SNX30: variants seen among roughly 807,000 people sequenced by gnomAD.
The protein encoded by SNX30 is sorting nexin family member 30, also known as sorting nexin-30.
SNX30 carries 24 observed loss-of-function variants against 46.4 expected under a neutral mutation model. That is an observed-to-expected ratio of 0.52 (90% CI 0.37 to 0.73). The LOEUF is 0.73. Ranked by LOEUF, SNX30 falls within the 30% of genes least tolerant of loss-of-function variation. SNX30 has a pLI of 0.00. For missense variants in SNX30, 533 were observed against 555.7 expected (o/e 0.96, Z 0.41); for synonymous variants, 189 against 211.5 (o/e 0.89, Z 0.92).
chr9:112,773,399 T>A (rs973496801), intron 1 of SNX30, among the ~76,000 whole-genome samples: 1 of 152,168 alleles, frequency 6.6e-6, no homozygotes, highest in Admixed American at 6.5e-5. Context: ...ATTTGCTTTT[T>A]TTTTTTAAGA....
At chr9:112,838,825 C>G (rs1036748582) in intron 6 of SNX30, 128 bp downstream of exon 6, 3 of 761,166 alleles carry the variant, frequency 3.9e-6, no homozygotes, top group Non-Finnish European at 6.4e-6. Context: ...GGATCAGACA[C>G]GTGGACTGAC....
chr9:112,804,977 T>G lies in SNX30; in HGVS notation c.348+10T>G, dbSNP rs1202578102. 1.3e-6 allele frequency: 2 copies of G among 1,577,092 alleles called. No homozygotes were observed. The highest frequency in any genetic ancestry group is 1.8e-5 in the Admixed American group (1 of 57,102). On this transcript the variant is annotated intron_variant, in intron 2 of 8. Transcript: ENST00000374232. Reference sequence around the variant, plus strand: ...TAGGATCACCACCAAAGTAGGTCCCTGTGTTATAGAATGCCCGTGTTGAGT... The same window carrying G: ...TAGGATCACCACCAAAGTAGGTCCCGGTGTTATAGAATGCCCGTGTTGAGT...
chr9:112,825,382 A>G (rs1840565420), intron 3 of SNX30, among the ~76,000 whole-genome samples: 1 of 152,026 alleles, frequency 6.6e-6, no homozygotes, highest in Non-Finnish European at 1.5e-5. Context: ...GCAGCCTCCA[A>G]CTCCTGGGTT....
chr9:112,793,350 A>G (rs73550324), intron 1 of SNX30, among the ~76,000 whole-genome samples: 2 of 152,086 alleles, frequency 1.3e-5, no homozygotes, highest in African/African-American at 2.4e-5. Flanking sequence ...TCATGTTCCT[A>G]TGAGCTGCTG....
At position 112,865,649 on chromosome 9, in the gene SNX30, A is replaced by ATGTGTGTG. The variant is rs1377711834; in HGVS notation, c.1254+1251_1254+1252insGTGTGTGT. Among the ~76,000 whole-genome samples, 10 of 86,054 alleles carry ATGTGTGTG rather than the reference A, an allele frequency of 1.2e-4. 1 individual carries two copies. The allele number at this position is 86,054 out of a possible 152,430, so 56.5% of individuals were successfully genotyped here. A position where few individuals can be genotyped will look rare whatever the true frequency, so the allele number is the denominator to read the frequency against. On this transcript the variant is annotated intron_variant, in intron 8 of 8. Transcript: ENST00000374232. ...CATATATATATATATATATATATAT[A>ATGTGTGTG]TATATATATATATGTATGTATGTAT...
intron 7 of SNX30, among the ~76,000 whole-genome samples, chr9:112,861,972 G>C (rs1460248559): frequency 2.0e-5 from 3 of 152,312 alleles, no homozygotes; most frequent in South Asian, 2.1e-4. Context: ...GCATGTTCCT[G>C]TTTCTTCCCA....
rs999795304 is a variant in SNX30, at chr9:112,750,782, C to T, written c.-220C>T. The T allele has an allele frequency of 1.7e-5, 3 of 172,220 alleles. No individual in the cohort carries two copies. The highest frequency in any genetic ancestry group is 2.4e-5 in the African/African-American group (1 of 41,308). 10.7% of individuals were successfully genotyped at this position (172,220 alleles called of 1,614,324 possible). A position where few individuals can be genotyped will look rare whatever the true frequency, so the allele number is the denominator to read the frequency against. On this transcript the variant is annotated 5_prime_UTR_variant, in exon 1 of 9. Coordinates refer to ENST00000374232, the MANE Select transcript of SNX30 (RefSeq NM_001012994.2). Reference sequence around the variant, plus strand: ...GCCGCGGCCGTGCTGCCAGCGGACCCGCGGCGGGCTCGGGCGCGGAGCGGG... The same window carrying T: ...GCCGCGGCCGTGCTGCCAGCGGACCTGCGGCGGGCTCGGGCGCGGAGCGGG...
In SNX30 at chr9:112,864,387, G is replaced by A. The variant is rs751414141; in HGVS notation, c.1242G>A (p.Gln414=). Residue 414 remains glutamine (Q), a synonymous_variant, in exon 8 of 9, where the codon CAG becomes CAA. Transcript: ENST00000374232. The stretch of plus-strand genomic sequence containing the variant: ...TGGGGATGGCTGACAAGAACATCCA[G>A]TATTATGAGAAGGTAATGAGTGTGC... ...LLMGMADKNI[Q]YYEKCLMAWE... 1 of 1,614,088 alleles carries A rather than the reference G, an allele frequency of 6.2e-7. No individual in the cohort carries two copies. Among genetic ancestry groups the A allele is most frequent in the Non-Finnish European group, 8.5e-7 (1 of 1,180,038 alleles).
In SNX30 at chr9:112,826,648, T is replaced by C. The variant is rs560622728; in HGVS notation, c.460-4077T>C. 2.6e-5 allele frequency among the ~76,000 whole-genome samples: 4 copies of C among 151,774 alleles called. No individual in the cohort carries two copies. The East Asian group carries it at 7.7e-4, about 29-fold the overall frequency. On this transcript the variant is annotated intron_variant, in intron 3 of 8. Coordinates refer to ENST00000374232, the MANE Select transcript of SNX30 (RefSeq NM_001012994.2). ...TTCCACAGGGGCTAAGGAATGGAGGTGAGGGTGATGCCCAGTCAATGGGCT... is the reference window on the plus strand; with the variant it reads ...TTCCACAGGGGCTAAGGAATGGAGGCGAGGGTGATGCCCAGTCAATGGGCT...
intron 7 of SNX30, among the ~76,000 whole-genome samples, chr9:112,852,332 A>G (rs1841042250): frequency 6.6e-6 from 1 of 152,144 alleles, no homozygotes; most frequent in African/African-American, 2.4e-5. Context: ...AATGATTTAC[A>G]AGGTATTTAT....
chr9:112,761,319 C>T (rs1014699840), intron 1 of SNX30, among the ~76,000 whole-genome samples: 4 of 152,078 alleles, frequency 2.6e-5, no homozygotes, highest in Non-Finnish European at 5.9e-5. Flanking sequence ...CATGCCACCA[C>T]GCCAGGCTAA....
chr9:112,813,507 C>T (rs1382739980), intron 2 of SNX30, among the ~76,000 whole-genome samples: 3 of 139,352 alleles, frequency 2.2e-5, no homozygotes, highest in Admixed American at 7.6e-5. Flanking sequence ...CTCACTCTGT[C>T]GCCCAGGCTG....
chr9:112,755,708 G>T (rs1473313088), intron 1 of SNX30, among the ~76,000 whole-genome samples: 1 of 151,688 alleles, frequency 6.6e-6, no homozygotes, highest in African/African-American at 2.4e-5. Flanking sequence ...TGCTGAAAAG[G>T]CCCAGGTATT....
intron 3 of SNX30, among the ~76,000 whole-genome samples, chr9:112,826,118 C>T (rs560955672): frequency 9.2e-4 from 140 of 152,270 alleles, no homozygotes; most frequent in African/African-American, 2.9e-3. Context: ...CGCCTCAGGC[C>T]ATCCTCTCAA....
chr9:112,836,496 A>G (rs908756318), intron 5 of SNX30, 87 bp downstream of exon 5: 40 of 1,411,246 alleles, frequency 2.8e-5, no homozygotes, highest in Middle Eastern at 1.9e-4. Context: ...ATCAAACTGC[A>G]AAATGCTGGA....
chr9:112,877,543 C>G (rs1488799534), downstream of SNX30: 1 of 152,632 alleles, frequency 6.6e-6, no homozygotes, highest in African/African-American at 2.4e-5. Context: ...GGGGCGCTAC[C>G]TTTTTCCCAG....
At chr9:112,785,403 A>T (rs1348275098) in intron 1 of SNX30, among the ~76,000 whole-genome samples, 2 of 125,042 alleles carry the variant, frequency 1.6e-5, no homozygotes, top group Admixed American at 8.5e-5. Context: ...TTTTTTTTGG[A>T]GATAGAATCT....
rs1415199441 is a variant in SNX30 at position 112,874,671 on chromosome 9, G to A, written c.*5828G>A. The A allele has an allele frequency of 1.3e-5, 2 of 152,148 alleles. No individual in the cohort carries two copies. The highest frequency in any genetic ancestry group is 4.8e-5 in the African/African-American group (2 of 41,424). 9.4% of individuals were successfully genotyped at this position (152,148 alleles called of 1,614,324 possible). A position where few individuals can be genotyped will look rare whatever the true frequency, so the allele number is the denominator to read the frequency against. On this transcript the variant is annotated 3_prime_UTR_variant, in exon 9 of 9. Coordinates refer to ENST00000374232, the MANE Select transcript of SNX30 (RefSeq NM_001012994.2). ...ATAAGAAAGTGATTTATTTACAGAT[G>A]GAAGTCTTTGTTTCATGAAGCTACC...
downstream of SNX30, among the ~76,000 whole-genome samples, chr9:112,876,586 G>T (rs1007431547): frequency 6.6e-6 from 1 of 152,062 alleles, no homozygotes; most frequent in African/African-American, 2.4e-5. Flanking sequence ...GAGTCCATGG[G>T]GGTGGACTAG....
Sources: allele counts gnomAD v4.1 joint callset (sites outside exome capture counted in the v4.1 genomes callset), GRCh38; gene constraint gnomAD v4.1.1; transcripts MANE v1.5; gene names NCBI Gene and HGNC (gene_info 2026-07-23, HGNC 2026-07-21).